Variants in CCDC62 observed in about 807,000 individuals in gnomAD.
CCDC62 encodes the protein coiled-coil domain-containing protein 62.
CCDC62 carries 72 observed loss-of-function variants against 80.8 expected under a neutral mutation model. The observed-to-expected ratio is 0.89, with a 90% confidence interval of 0.74 to 1.08. CCDC62 has a LOEUF of 1.08. Among genes scored for constraint, CCDC62 ranks in the 50% least tolerant of loss-of-function variants. CCDC62 has a pLI of 0.00. For synonymous variants in CCDC62, 286 were observed against 296.5 expected (o/e 0.96, Z 0.36); for missense variants, 704 against 809.4 (o/e 0.87, Z 1.58).
At chr12:122,795,519 G>A (rs1238669188) in intron 6 of CCDC62, among the ~76,000 whole-genome samples, 1 of 152,002 alleles carries the variant, frequency 6.6e-6, no homozygotes, top group Non-Finnish European at 1.5e-5. Flanking sequence ...AGCCTCCTGG[G>A]TTCATGCCAT....
chr12:122,817,780 CTGTG>C (rs143924355), intron 11 of CCDC62, among the ~76,000 whole-genome samples: 2 of 152,034 alleles, frequency 1.3e-5, no homozygotes, highest in Non-Finnish European at 1.5e-5. Context: ...TAGTGTAGCT[CTGTG>C]TGTGTGTGCC....
In CCDC62 at chr12:122,774,579, GC is replaced by G; in HGVS notation, c.-91del. The G allele has an allele frequency of 9.8e-7, 1 of 1,015,816 alleles. No homozygotes were observed. The highest frequency in any genetic ancestry group is 1.3e-6 in the Non-Finnish European group (1 of 787,132). 62.9% of individuals were successfully genotyped at this position (1,015,816 alleles called of 1,614,324 possible). A position where few individuals can be genotyped will look rare whatever the true frequency, so the allele number is the denominator to read the frequency against. On this transcript the variant is annotated 5_prime_UTR_variant, in exon 1 of 13. Transcript: ENST00000253079. ...AGGGCGCGGGGCCCCGGGGCTCCGG[GC>G]TCGCCCCCGCCGCTCGGGGCAGGCG...
chr12:122,823,362 C>A lies in CCDC62; in HGVS notation c.2002-4C>A. On this transcript the variant is annotated splice_region_variant and splice_polypyrimidine_tract_variant and intron_variant, in intron 11 of 12. Coordinates refer to ENST00000253079, the MANE Select transcript of CCDC62 (RefSeq NM_201435.5). ...TGAATACTAATCTGGGAGTTGTTTT[C>A]TAGAAGTCAGAGGTCCCAGAAGAGT... 3.1e-6 allele frequency: 5 copies of A among 1,611,294 alleles called. No individual in the cohort carries two copies. The highest frequency in any genetic ancestry group is 4.2e-6 in the Non-Finnish European group (5 of 1,177,674).
chr12:122,777,574 A>T lies in CCDC62; in HGVS notation c.120A>T (p.Arg40=), dbSNP rs1003669053. ...TGCTCATTGGAGAATTAAAAGATCG[A>T]GATAAAGAGCTCAATGACATGGTTG... The part of the protein sequence containing the change: ...LQLLIGELKD[R]DKELNDMVAV... The change falls in exon 2 of 13, where the codon CGA becomes CGT. Residue 40 remains arginine, a synonymous_variant. Transcript: ENST00000253079. 2 of 1,614,178 alleles carry T rather than the reference A, an allele frequency of 1.2e-6. No individual in the cohort carries two copies. Among genetic ancestry groups the T allele is most frequent in the South Asian group, 1.1e-5 (1 of 91,086 alleles).
chr12:122,786,757 G>A (rs1319998822), intron 4 of CCDC62, among the ~76,000 whole-genome samples: 1 of 151,028 alleles, frequency 6.6e-6, no homozygotes, highest in South Asian at 2.1e-4. Context: ...TCAGGAGATC[G>A]AGACCATCCT....
At chr12:122,802,461 T>C (rs1454639587) in intron 9 of CCDC62, among the ~76,000 whole-genome samples, 1 of 149,410 alleles carries the variant, frequency 6.7e-6, no homozygotes, top group Non-Finnish European at 1.5e-5. Flanking sequence ...TCGCCCAGGC[T>C]GGAGTGCAGT....
intron 8 of CCDC62, among the ~76,000 whole-genome samples, chr12:122,799,150 C>T (rs1157399791): frequency 2.0e-5 from 3 of 152,126 alleles, no homozygotes; most frequent in East Asian, 3.8e-4. Flanking sequence ...TCATAATCCT[C>T]AGTCGCAGGA....
At chr12:122,775,370 G>C (rs183665324) in intron 1 of CCDC62, among the ~76,000 whole-genome samples, 5 of 152,226 alleles carry the variant, frequency 3.3e-5, no homozygotes, top group Non-Finnish European at 4.4e-5. Flanking sequence ...CCCAAGGTTC[G>C]CGTCCATCAG....
intron 10 of CCDC62, among the ~76,000 whole-genome samples, chr12:122,806,668 C>G (rs925668247): frequency 1.3e-5 from 2 of 151,738 alleles, no homozygotes; most frequent in Admixed American, 1.3e-4. Flanking sequence ...TTTGTAGAGA[C>G]AGGGTCTCAA....
chr12:122,785,782 G>C lies in CCDC62; in HGVS notation c.460G>C (p.Ala154Pro), dbSNP rs527559721. The C allele has an allele frequency of 1.9e-6, 3 of 1,613,698 alleles. No homozygotes were observed. The South Asian group carries it at 3.3e-5, about 18-fold the overall frequency. Reference sequence around the variant, plus strand: ...TTCTGCCCAGGTAGGACAGCTACAAGCTCGAGAACAAGCTCTTACGACAAT... The same window carrying C: ...TTCTGCCCAGGTAGGACAGCTACAACCTCGAGAACAAGCTCTTACGACAAT... ...ELSAQVGQLQ[A>P]REQALTTMIK... Residue 154 changes from alanine to proline, a missense_variant, in exon 4 of 13, where the codon GCT becomes CCT. By Grantham distance (27) the Ala-to-Pro change is conservative. Transcript: ENST00000253079.
At chr12:122,804,192 C>A (rs6489241) in intron 9 of CCDC62, among the ~76,000 whole-genome samples, 3 of 152,102 alleles carry the variant, frequency 2.0e-5, no homozygotes, top group African/African-American at 7.3e-5. Flanking sequence ...TTCATTGTAG[C>A]TTACAGGGAA....
chr12:122,797,412 CCTT>C lies in CCDC62; in HGVS notation c.861+20_861+22del, dbSNP rs757189192. On this transcript the variant is annotated intron_variant, in intron 7 of 12. Coordinates refer to ENST00000253079, the MANE Select transcript of CCDC62 (RefSeq NM_201435.5). ...CTGAGACAGGTATGTCCCCAATCAT[CCTT>C]CTCTGTCACATAAGAAATGTTTGTA... The C allele has an allele frequency of 4.3e-6, 6 of 1,396,604 alleles. No homozygotes were observed. Among genetic ancestry groups the C allele is most frequent in the Non-Finnish European group, 5.1e-6 (5 of 985,234 alleles). The allele number at this position is 1,396,604 out of a possible 1,614,324, so 86.5% of individuals were successfully genotyped here.
intron 6 of CCDC62, 25 bp downstream of exon 6, chr12:122,792,146 T>C (rs777835599): frequency 7.2e-7 from 1 of 1,383,052 alleles, no homozygotes; most frequent in Non-Finnish European, 1.0e-6. Flanking sequence ...CGAATGTATT[T>C]GTAACCTAGA....
At chr12:122,809,327 T>C (rs994135494) in intron 10 of CCDC62, among the ~76,000 whole-genome samples, 3 of 145,970 alleles carry the variant, frequency 2.1e-5, no homozygotes, top group African/African-American at 7.7e-5. Context: ...CCATCTCTAC[T>C]AAAAATACAA....
At chr12:122,780,253 G>A (rs1879754907) in intron 2 of CCDC62, among the ~76,000 whole-genome samples, 1 of 150,710 alleles carries the variant, frequency 6.6e-6, no homozygotes, top group Non-Finnish European at 1.5e-5. Context: ...GGAGGTTGCA[G>A]TAAGCCGAGA....
intron 2 of CCDC62, among the ~76,000 whole-genome samples, chr12:122,779,259 G>A (rs574176420): frequency 1.3e-5 from 2 of 152,296 alleles, no homozygotes; most frequent in South Asian, 2.1e-4. Context: ...TTACCAGCCT[G>A]GCAGAAATTA....
At chr12:122,798,324 C>T (rs1236003558) in intron 8 of CCDC62, 124 bp downstream of exon 8, 14 of 620,526 alleles carry the variant, frequency 2.3e-5, no homozygotes, top group South Asian at 7.0e-5. Context: ...TAAATGTGGC[C>T]GGGCACGGTG....
intron 5 of CCDC62, among the ~76,000 whole-genome samples, chr12:122,789,572 A>G (rs1306231416): frequency 6.6e-6 from 1 of 152,130 alleles, no homozygotes; most frequent in Non-Finnish European, 1.5e-5. Flanking sequence ...AGCTGGGATT[A>G]CAGGCACCTA....
intron 6 of CCDC62, among the ~76,000 whole-genome samples, chr12:122,795,476 T>G (rs936357978): frequency 2.0e-5 from 3 of 151,694 alleles, no homozygotes; most frequent in Non-Finnish European, 4.4e-5. Flanking sequence ...CAGGCTGGAG[T>G]GCAGTGGTGT....
Sources: gnomAD v4.1 joint callset for allele counts (sites outside exome capture counted in the v4.1 genomes callset) on GRCh38, gnomAD v4.1.1 for gene constraint, MANE v1.5 for transcripts, NCBI Gene and HGNC (gene_info 2026-07-23, HGNC 2026-07-21) for gene names.